MBNL3: variants seen among roughly 807,000 people sequenced by gnomAD.
MBNL3 encodes the protein muscleblind-like protein 3.
MBNL3 carries 6 observed loss-of-function variants against 24.5 expected under a neutral mutation model. That is an observed-to-expected ratio of 0.25 (90% CI 0.13 to 0.48). The LOEUF is 0.48. MBNL3 is among the 20% of genes least tolerant of loss of function. The pLI, the probability that MBNL3 is intolerant of heterozygous loss-of-function variation, is 0.99. For synonymous variants in MBNL3, 100 were observed against 101.7 expected (o/e 0.98, Z 0.10); for missense variants, 230 against 293.5 (o/e 0.78, Z 1.58).
At chrX:132,403,323 C>G (rs888861588) in intron 3 of MBNL3, among the ~76,000 whole-genome samples, 4 of 111,468 alleles carry the variant, frequency 3.6e-5, no homozygotes, top group Non-Finnish European at 7.5e-5. Flanking sequence ...ATAATAACTG[C>G]AGGAATTAAT....
At chrX:132,444,613 G>T (rs527993812) in intron 1 of MBNL3, among the ~76,000 whole-genome samples, 2 of 111,318 alleles carry the variant, frequency 1.8e-5, no homozygotes, top group African/African-American at 6.5e-5. Context: ...ATTTCTCTCT[G>T]ATCCACAGGA....
At chrX:132,411,274 A>G in intron 2 of MBNL3, 1 of 753,954 alleles carries the variant, frequency 1.3e-6, no homozygotes, top group Non-Finnish European at 1.6e-6. Flanking sequence ...AAACCAGATA[A>G]CAAGTTTGAA....
intron 2 of MBNL3, among the ~76,000 whole-genome samples, chrX:132,422,523 T>C (rs1029175279): frequency 7.1e-5 from 8 of 111,912 alleles, no homozygotes; most frequent in South Asian, 7.5e-4. Flanking sequence ...CTCAGAGCCT[T>C]TTCTCAGCTA....
At chrX:132,411,745 G>A (rs1161544964) in intron 2 of MBNL3, among the ~76,000 whole-genome samples, 1 of 111,279 alleles carries the variant, frequency 9.0e-6, no homozygotes, top group African/African-American at 3.3e-5. Flanking sequence ...TGTGTACATC[G>A]ATAAATTGTT....
Position 132,370,111 on chromosome X carries a change from T to C in MBNL3, c.*9555A>G, listed in dbSNP as rs1440504307. The C allele has an allele frequency of 1.8e-5, 2 of 111,451 alleles. No individual in the cohort carries two copies. The highest frequency in any genetic ancestry group is 5.6e-4 in the East Asian group (2 of 3,551). 9.2% of individuals were successfully genotyped at this position (111,451 alleles called of 1,213,427 possible). On this transcript the variant is annotated 3_prime_UTR_variant, in exon 9 of 9. Coordinates refer to ENST00000370853, the MANE Select transcript of MBNL3 (RefSeq NM_001386889.1). ...CCCACTGTCCTCCTGCCTAAGGGAG[T>C]AGTGTAAGTCAGGCACTGAACAGAA... is the stretch of plus-strand genomic sequence containing the variant.
At chrX:132,394,105 T>G (rs1478792224) in intron 3 of MBNL3, among the ~76,000 whole-genome samples, 1 of 110,818 alleles carries the variant, frequency 9.0e-6, no homozygotes, top group Non-Finnish European at 1.9e-5. Flanking sequence ...CTCACGAGGG[T>G]GAGTAGGAAA....
intron 1 of MBNL3, among the ~76,000 whole-genome samples, chrX:132,467,162 A>C (rs1425897338): frequency 9.0e-6 from 1 of 111,721 alleles, no homozygotes; most frequent in African/African-American, 3.3e-5. Context: ...AATGAGCAAG[A>C]GGGAGGATTA....
At chrX:132,412,007 A>C (rs750113437) in intron 2 of MBNL3, among the ~76,000 whole-genome samples, 1 of 111,887 alleles carries the variant, frequency 8.9e-6, no homozygotes, top group Admixed American at 9.5e-5. Flanking sequence ...TAGTCAACAC[A>C]TGACTGAGGC....
chrX:132,418,922 C>T (rs1943543175), intron 2 of MBNL3, among the ~76,000 whole-genome samples: 1 of 112,068 alleles, frequency 8.9e-6, no homozygotes, highest in Admixed American at 9.4e-5. Context: ...TACAGGTGCA[C>T]ACCACCATGC....
At chrX:132,472,073 C>T (rs1947210110) in intron 1 of MBNL3, among the ~76,000 whole-genome samples, 1 of 112,018 alleles carries the variant, frequency 8.9e-6, no homozygotes, top group Non-Finnish European at 1.9e-5. Flanking sequence ...TGTAGATTTG[C>T]TTTTTTTCAT....
At position 132,373,889 on chromosome X, in the gene MBNL3, G is replaced by T. The variant is rs985509528; in HGVS notation, c.*5777C>A. The T allele has an allele frequency of 1.8e-5, 2 of 111,554 alleles. No homozygotes were observed. Among genetic ancestry groups the T allele is most frequent in the Admixed American group, 1.9e-4 (2 of 10,468 alleles). 9.2% of individuals were successfully genotyped at this position (111,554 alleles called of 1,213,427 possible). On this transcript the variant is annotated 3_prime_UTR_variant, in exon 9 of 9. Coordinates refer to ENST00000370853, the MANE Select transcript of MBNL3 (RefSeq NM_001386889.1). The stretch of plus-strand genomic sequence containing the variant: ...GCACAGTTAACTACTTTGTAATCTG[G>T]TAAAGGTAGGTCAAAAAACAGCTTC...
intron 3 of MBNL3, among the ~76,000 whole-genome samples, chrX:132,393,787 G>GA (rs1186460679): frequency 3.6e-5 from 4 of 110,847 alleles, no homozygotes; most frequent in African/African-American, 6.6e-5. Context: ...TTTTTCACTT[G>GA]AAAAAACCCC....
chrX:132,447,067 G>A lies in MBNL3; in HGVS notation c.-703-6753C>T, dbSNP rs1298737908. Reference sequence around the variant, plus strand: ...AAAGATCAGATGTTTGTAGATGTATGGTGTTATTTCTGAGGCCTCTGTTCT... The same window carrying A: ...AAAGATCAGATGTTTGTAGATGTATAGTGTTATTTCTGAGGCCTCTGTTCT... On this transcript the variant is annotated intron_variant, in intron 1 of 8. Coordinates refer to ENST00000370853, the MANE Select transcript of MBNL3 (RefSeq NM_001386889.1). Among the ~76,000 whole-genome samples, 7 of 111,233 alleles carry A rather than the reference G, an allele frequency of 6.3e-5. No individual in the cohort carries two copies. In the South Asian group the frequency reaches 1.1e-3, roughly 18 times the overall value.
intron 3 of MBNL3, among the ~76,000 whole-genome samples, chrX:132,404,071 G>T: frequency 9.1e-6 from 1 of 110,221 alleles, no homozygotes; most frequent in East Asian, 2.9e-4. Context: ...TTTTTTCAAG[G>T]TTCCACATAT....
Position 132,391,000 on chromosome X carries a change from A to T in MBNL3, c.618T>A (p.Ile206=). ...RYAHPTDASM[I]EASDNTVTIC... is the part of the protein sequence containing the mutation. ...TTGTCACAGTATTATCACTCGCTTC[A>T]ATCATGGAAGCATCAGTAGGGTGAG... The change falls in exon 5 of 9, where the codon ATT becomes ATA. Residue 206 remains isoleucine, a synonymous_variant. Coordinates refer to ENST00000370853, the MANE Select transcript of MBNL3 (RefSeq NM_001386889.1). 2 of 1,210,590 alleles carry T rather than the reference A, an allele frequency of 1.7e-6. No individual in the cohort carries two copies. The highest frequency in any genetic ancestry group is 2.2e-6 in the Non-Finnish European group (2 of 894,690).
intron 1 of MBNL3, among the ~76,000 whole-genome samples, chrX:132,471,175 A>G (rs1019270888): frequency 2.0e-4 from 22 of 111,157 alleles, no homozygotes; most frequent in Non-Finnish European, 3.4e-4. Flanking sequence ...GTACAAAATT[A>G]CATCACTTCT....
chrX:132,380,288 T>C (rs1360574202), intron 8 of MBNL3, among the ~76,000 whole-genome samples: 1 of 112,167 alleles, frequency 8.9e-6, no homozygotes, highest in Non-Finnish European at 1.9e-5. Flanking sequence ...AACTTGTGGT[T>C]ACCTTGACGT....
chrX:132,437,371 C>T (rs1451514731), intron 2 of MBNL3, among the ~76,000 whole-genome samples: 1 of 111,477 alleles, frequency 9.0e-6, no homozygotes, highest in African/African-American at 3.3e-5. Context: ...AAATAATAAG[C>T]CCTAACTAAA....
chrX:132,410,761 A>C (rs1048219738), intron 2 of MBNL3, among the ~76,000 whole-genome samples: 2 of 112,406 alleles, frequency 1.8e-5, no homozygotes, highest in African/African-American at 3.2e-5. Context: ...GTGATTTCAG[A>C]ATTACAAATC....
Sources: allele counts gnomAD v4.1 joint callset (sites outside exome capture counted in the v4.1 genomes callset), GRCh38; gene constraint gnomAD v4.1.1; transcripts MANE v1.5; gene names NCBI Gene and HGNC (gene_info 2026-07-23, HGNC 2026-07-21).